The following STK32B variants were observed in gnomAD, a reference collection of about 807,000 sequenced individuals.
The protein encoded by STK32B is serine/threonine kinase 32B.
STK32B carries 43 observed loss-of-function variants against 52.6 expected under a neutral mutation model. That is an observed-to-expected ratio of 0.82 (90% CI 0.64 to 1.05). The LOEUF (loss-of-function observed/expected upper bound fraction) is 1.05. STK32B is among the 50% of genes least tolerant of loss of function. STK32B has a pLI of 0.00. For synonymous variants in STK32B, 238 were observed against 204.3 expected (o/e 1.17, Z -1.41); for missense variants, 621 against 534.6 (o/e 1.16, Z -1.59).
chr4:5,435,322 C>T (rs138505569), intron 6 of STK32B, among the ~76,000 whole-genome samples: 3 of 152,246 alleles, frequency 2.0e-5, no homozygotes, highest in African/African-American at 7.2e-5. Context: ...CAGCCTACCA[C>T]GATTATCTGC....
chr4:5,478,301 G>C (rs778815965), intron 11 of STK32B, among the ~76,000 whole-genome samples: 1 of 152,192 alleles, frequency 6.6e-6, no homozygotes, highest in African/African-American at 2.4e-5. Flanking sequence ...TGTCAGAGCG[G>C]TCTCATTTGC....
chr4:5,193,050 A>C (rs1435576478), intron 3 of STK32B, among the ~76,000 whole-genome samples: 1 of 152,100 alleles, frequency 6.6e-6, no homozygotes, highest in Middle Eastern at 3.2e-3. Context: ...CCTGTGGCCC[A>C]TGAAGAAGAG....
intron 11 of STK32B, among the ~76,000 whole-genome samples, chr4:5,493,469 T>G (rs1474466330): frequency 6.6e-6 from 1 of 152,210 alleles, no homozygotes; most frequent in African/African-American, 2.4e-5. Flanking sequence ...TCTTCTCTCT[T>G]TTCTTCTTTA....
At position 5,470,659 on chromosome 4, in the gene STK32B, T is replaced by TCC. The variant is rs3841970; in HGVS notation, c.1106+2590_1106+2591dup. On this transcript the variant is annotated intron_variant, in intron 11 of 11. Coordinates refer to ENST00000282908, the MANE Select transcript of STK32B (RefSeq NM_018401.3). This position sits in a 1 kb window ranked among gnomAD's most constrained non-coding sequence, Gnocchi z 4.6. ...TCATCTTGTGGGAAGAGAGCCATGCTCCATCTACCCACAGTCCTCCCTTGC... is the reference window on the plus strand; with the variant it reads ...TCATCTTGTGGGAAGAGAGCCATGCTCCCCATCTACCCACAGTCCTCCCTTGC... Among the ~76,000 whole-genome samples, 8,880 of 152,172 alleles carry TCC rather than the reference T, an allele frequency of 0.058. 599 individuals are homozygous for TCC. Among genetic ancestry groups the TCC allele is most frequent in the East Asian group, 0.36 (1,849 of 5,148 alleles).
At chr4:5,323,611 T>C (rs749850830) in intron 3 of STK32B, among the ~76,000 whole-genome samples, 3 of 152,178 alleles carry the variant, frequency 2.0e-5, no homozygotes, top group Non-Finnish European at 2.9e-5. Flanking sequence ...CCATCAACCC[T>C]CTACCCTCTG....
chr4:5,480,331 C>T (rs1406992363), intron 11 of STK32B, among the ~76,000 whole-genome samples: 2 of 152,126 alleles, frequency 1.3e-5, no homozygotes, highest in African/African-American at 4.8e-5. Context: ...TATATGTGCC[C>T]AAGGTGGTCG....
Position 5,343,170 on chromosome 4 carries a change from A to G in STK32B, c.434+11777A>G, listed in dbSNP as rs573972801. On this transcript the variant is annotated intron_variant, in intron 4 of 11. Coordinates refer to ENST00000282908, the MANE Select transcript of STK32B (RefSeq NM_018401.3). ...TGTGTCCGTGTGTTCTCATTGTTCA[A>G]TTCCCACCTATGAGTGAGAACATGT... 1.0e-3 allele frequency among the ~76,000 whole-genome samples: 143 copies of G among 140,876 alleles called. 1 individual carries two copies. Among genetic ancestry groups the G allele is most frequent in the Admixed American group, 2.5e-3 (31 of 12,318 alleles). 92.4% of individuals were successfully genotyped at this position (140,876 alleles called of 152,430 possible).
intron 3 of STK32B, among the ~76,000 whole-genome samples, chr4:5,195,171 C>G (rs894237575): frequency 6.6e-6 from 1 of 152,144 alleles, no homozygotes; most frequent in African/African-American, 2.4e-5. Context: ...AACTCCTGGG[C>G]TCAAGCAGTC....
chr4:5,162,761 G>A (rs1259465828), intron 2 of STK32B, among the ~76,000 whole-genome samples: 1 of 152,160 alleles, frequency 6.6e-6, no homozygotes, highest in Non-Finnish European at 1.5e-5. Flanking sequence ...GCCCTGCCAA[G>A]GACCCCAAAC....
chr4:5,211,882 A>G (rs1419544060), intron 3 of STK32B, among the ~76,000 whole-genome samples: 1 of 152,208 alleles, frequency 6.6e-6, no homozygotes, highest in Non-Finnish European at 1.5e-5. Flanking sequence ...TACTTCAGTA[A>G]ATGGGGCTTT....
Position 5,143,121 on chromosome 4 carries a change from G to GTCTGTCTGTCTGTCTA in STK32B, c.108+3172_108+3173insGTCTATCTGTCTGTCT, listed in dbSNP as rs1469316560. Among the ~76,000 whole-genome samples, 6 of 147,544 alleles carry GTCTGTCTGTCTGTCTA rather than the reference G, an allele frequency of 4.1e-5. No homozygotes were observed. The East Asian group carries it at 8.5e-4, about 21-fold the overall frequency. ...TCTGTCTCTGTCTGTCTGTCTGTCT[G>GTCTGTCTGTCTGTCTA]TCTGTCTGTCTATCTGTCTGTCTAT... is the stretch of plus-strand genomic sequence containing the variant. On this transcript the variant is annotated intron_variant, in intron 2 of 11. Coordinates refer to ENST00000282908, the MANE Select transcript of STK32B (RefSeq NM_018401.3).
At chr4:5,108,832 G>A (rs1299903866) in intron 1 of STK32B, among the ~76,000 whole-genome samples, 3 of 152,148 alleles carry the variant, frequency 2.0e-5, no homozygotes, top group Non-Finnish European at 4.4e-5. Context: ...AAAATCACAA[G>A]TAGAAATCAT....
chr4:5,088,393 G>C (rs1323023396), intron 1 of STK32B, among the ~76,000 whole-genome samples: 1 of 152,052 alleles, frequency 6.6e-6, no homozygotes, highest in Non-Finnish European at 1.5e-5. Flanking sequence ...CCTACTATTT[G>C]ACAGCACAAC....
intron 11 of STK32B, among the ~76,000 whole-genome samples, chr4:5,475,572 G>A (rs529332329): frequency 1.1e-4 from 16 of 149,204 alleles, no homozygotes; most frequent in African/African-American, 3.0e-4. Flanking sequence ...GGTGGTGCAC[G>A]CCTGTAGTTC....
chr4:5,139,839 G>C (rs906982351), intron 1 of STK32B, 66 bp from the exon 2 acceptor site: 2 of 1,588,472 alleles, frequency 1.3e-6, no homozygotes, highest in Non-Finnish European at 1.7e-6. Context: ...CATAGGTAAG[G>C]ATATTCAAGG....
chr4:5,175,688 C>T (rs113646812), intron 3 of STK32B, among the ~76,000 whole-genome samples: 12 of 152,176 alleles, frequency 7.9e-5, no homozygotes, highest in South Asian at 2.1e-4. Flanking sequence ...AGTACCCGGC[C>T]GTGTGAGGTG....
intron 6 of STK32B, among the ~76,000 whole-genome samples, chr4:5,432,945 G>A (rs973475275): frequency 1.3e-5 from 2 of 152,172 alleles, no homozygotes; most frequent in African/African-American, 4.8e-5. Flanking sequence ...AAGAGGTTAA[G>A]CAGCTTCCCC....
intron 4 of STK32B, among the ~76,000 whole-genome samples, chr4:5,372,515 C>T (rs533105621): frequency 6.6e-6 from 1 of 152,092 alleles, no homozygotes; most frequent in Non-Finnish European, 1.5e-5. Flanking sequence ...ATATTACCAT[C>T]CTATTAAGGA....
rs571713356 is a variant in STK32B at position 5,341,707 on chromosome 4, C to G, written c.434+10314C>G. Among the ~76,000 whole-genome samples, 28 of 152,242 alleles carry G rather than the reference C, an allele frequency of 1.8e-4. No homozygotes were observed. The South Asian group carries it at 5.2e-3, about 28-fold the overall frequency. ...CTTAATTAGCTCATGGTTCTGCGGG[C>G]TGCACGGGAAGCATGCTGCTGGCAT... On this transcript the variant is annotated intron_variant, in intron 4 of 11. Coordinates refer to ENST00000282908, the MANE Select transcript of STK32B (RefSeq NM_018401.3).
Sources: allele counts gnomAD v4.1 joint callset (sites outside exome capture counted in the v4.1 genomes callset), GRCh38; gene constraint gnomAD v4.1.1; non-coding constraint Gnocchi (gnomAD v3.1); transcripts MANE v1.5; gene names NCBI Gene and HGNC (gene_info 2026-07-23, HGNC 2026-07-21).